Variants in CDYL observed in about 807,000 individuals in gnomAD.
CDYL encodes chromodomain Y-like protein.
A neutral mutation model predicts 47.3 loss-of-function variants in CDYL; 8 were observed. The ratio of observed to expected loss-of-function variants is 0.17; its 90% CI spans 0.10 to 0.31. The LOEUF is 0.31. CDYL is among the 10% of genes least tolerant of loss of function. CDYL has a pLI of 1.00. For synonymous variants in CDYL, 266 were observed against 265.0 expected (o/e 1.00, Z -0.04); for missense variants, 471 against 701.4 (o/e 0.67, Z 3.71).
chr6:4,797,867 T>C (rs1759119225), intron 1 of CDYL, among the ~76,000 whole-genome samples: 1 of 152,282 alleles, frequency 6.6e-6, no homozygotes, highest in Non-Finnish European at 1.5e-5. Context: ...ACTTTTTGTC[T>C]ATTATGAATA....
intron 3 of CDYL, among the ~76,000 whole-genome samples, chr6:4,935,994 C>T (rs1758180645): frequency 6.6e-6 from 1 of 152,206 alleles, no homozygotes. Flanking sequence ...TGCTGAGTGT[C>T]CATCCCCATT....
chr6:4,828,471 C>T (rs1449300848), intron 1 of CDYL, among the ~76,000 whole-genome samples: 1 of 152,074 alleles, frequency 6.6e-6, no homozygotes, highest in African/African-American at 2.4e-5. Flanking sequence ...TCCATGATTT[C>T]TGTTGAGAAA....
At chr6:4,876,771 A>G (rs143576086) in intron 1 of CDYL, among the ~76,000 whole-genome samples, 222 of 152,304 alleles carry the variant, frequency 1.5e-3, no homozygotes, top group Non-Finnish European at 2.1e-3. Context: ...TGAAATGAAT[A>G]TATTTTGCAT....
At chr6:4,822,568 A>G (rs917054659) in intron 1 of CDYL, among the ~76,000 whole-genome samples, 2 of 152,122 alleles carry the variant, frequency 1.3e-5, no homozygotes, top group African/African-American at 2.4e-5. Context: ...AATCCTGGCA[A>G]TGAGGGTGGC....
intron 3 of CDYL, among the ~76,000 whole-genome samples, chr6:4,756,488 T>C (rs1199913021): frequency 6.6e-6 from 1 of 152,102 alleles, no homozygotes; most frequent in African/African-American, 2.4e-5. Flanking sequence ...TCCTCTAAAG[T>C]TTACCTACTG....
intron 2 of CDYL, among the ~76,000 whole-genome samples, chr6:4,731,920 TA>T (rs749096863): frequency 6.6e-6 from 1 of 152,262 alleles, no homozygotes; most frequent in South Asian, 2.1e-4. Context: ...GGTAATGTTT[TA>T]TTTCTTTTCG....
intron 2 of CDYL, among the ~76,000 whole-genome samples, chr6:4,930,811 G>T (rs935111611): frequency 6.6e-6 from 1 of 152,224 alleles, no homozygotes; most frequent in African/African-American, 2.4e-5. Context: ...CTAGTCGAAT[G>T]TTATGTTAAT....
intron 2 of CDYL, 96 bp downstream of exon 2, chr6:4,892,475 C>T (rs1762078775): frequency 7.8e-7 from 1 of 1,281,184 alleles, no homozygotes; most frequent in African/African-American, 1.5e-5. Flanking sequence ...GAGTCCGGGG[C>T]TTCTCACGGC....
chr6:4,935,889 C>T, intron 3 of CDYL, 118 bp downstream of exon 3: 1 of 1,458,062 alleles, frequency 6.9e-7, no homozygotes. Flanking sequence ...GGGCCATCTC[C>T]CGATGCCCAC....
At position 4,794,108 on chromosome 6, in the gene CDYL, A is replaced by C. The variant is rs930530578; in HGVS notation, c.24+17301A>C. On this transcript the variant is annotated intron_variant, in intron 1 of 6. Transcript: ENST00000397588. ...GGTTCTTAGAGCCATGAGTGCATTTAATCATCCAGGAGGTAAGCATAAGTA... is the reference window on the plus strand; with the variant it reads ...GGTTCTTAGAGCCATGAGTGCATTTCATCATCCAGGAGGTAAGCATAAGTA... Among the ~76,000 whole-genome samples, 8 of 152,108 alleles carry C rather than the reference A, an allele frequency of 5.3e-5. No homozygotes were observed. The East Asian group carries it at 1.3e-3, about 26-fold the overall frequency.
chr6:4,906,597 C>T (rs1389757643), intron 2 of CDYL, among the ~76,000 whole-genome samples: 1 of 152,218 alleles, frequency 6.6e-6, no homozygotes, highest in East Asian at 1.9e-4. Flanking sequence ...ATTTGAACCA[C>T]TCTTTTATTA....
chr6:4,896,774 T>C (rs1288341159), intron 2 of CDYL, among the ~76,000 whole-genome samples: 1 of 152,210 alleles, frequency 6.6e-6, no homozygotes, highest in Non-Finnish European at 1.5e-5. Context: ...TAAAACTAAT[T>C]GAAGTAGATA....
intron 3 of CDYL, among the ~76,000 whole-genome samples, chr6:4,744,914 C>G (rs925372564): frequency 6.6e-6 from 1 of 152,068 alleles, no homozygotes; most frequent in East Asian, 1.9e-4. Flanking sequence ...TCATTCATCA[C>G]CTATGTAATC....
rs187387716 is a variant in CDYL, at chr6:4,829,013, T to G, written c.24+52206T>G. Among the ~76,000 whole-genome samples, 1,170 of 152,340 alleles carry G rather than the reference T, an allele frequency of 7.7e-3. 16 individuals are homozygous for G. The highest frequency in any genetic ancestry group is 0.027 in the African/African-American group (1,129 of 41,586). Reference sequence around the variant, plus strand: ...ATAAATTGTTCTGATTTCCTTCAGTTCTTCATATCTTTCTTTTGCTTTTTG... The same window carrying G: ...ATAAATTGTTCTGATTTCCTTCAGTGCTTCATATCTTTCTTTTGCTTTTTG... On this transcript the variant is annotated intron_variant, in intron 1 of 6. Transcript: ENST00000397588.
At chr6:4,912,211 T>G (rs867986492) in intron 2 of CDYL, among the ~76,000 whole-genome samples, 8 of 139,946 alleles carry the variant, frequency 5.7e-5, no homozygotes, top group Non-Finnish European at 1.2e-4. Flanking sequence ...ACGTGGTCCT[T>G]TCACCTGTTT....
rs528757587 is a variant in CDYL at position 4,835,701 on chromosome 6, C to G, written c.25-56012C>G. On this transcript the variant is annotated intron_variant, in intron 1 of 6. Coordinates refer to ENST00000397588, the MANE Select transcript of CDYL (RefSeq NM_004824.4). Reference sequence around the variant, plus strand: ...GGTGGAGCCTACAGAGGCAGGCAGGCAATCCTCCTTGAGCTGTGGTGGGCT... The same window carrying G: ...GGTGGAGCCTACAGAGGCAGGCAGGGAATCCTCCTTGAGCTGTGGTGGGCT... Among the ~76,000 whole-genome samples, 13 of 152,334 alleles carry G rather than the reference C, an allele frequency of 8.5e-5. No individual in the cohort carries two copies. In the South Asian group the frequency reaches 2.5e-3, roughly 29 times the overall value.
At chr6:4,707,578 T>TA (rs1377569336) in intron 1 of CDYL, among the ~76,000 whole-genome samples, 5 of 152,228 alleles carry the variant, frequency 3.3e-5, no homozygotes, top group Middle Eastern at 3.2e-3. Context: ...GGCTGTCTGT[T>TA]AAACTGTTTA....
At chr6:4,928,830 G>T (rs752317539) in intron 2 of CDYL, 1 of 151,744 alleles carries the variant, frequency 6.6e-6, no homozygotes, top group Admixed American at 6.6e-5. Context: ...CCAAAGAATA[G>T]CCATTTTTTT....
At chr6:4,803,844 C>T (rs1759293743) in intron 1 of CDYL, among the ~76,000 whole-genome samples, 1 of 150,270 alleles carries the variant, frequency 6.7e-6, no homozygotes, top group Admixed American at 6.7e-5. Flanking sequence ...TTTTATCCAA[C>T]TCTATGTGTG....
Sources: allele counts gnomAD v4.1 joint callset (sites outside exome capture counted in the v4.1 genomes callset), GRCh38; gene constraint gnomAD v4.1.1; transcripts MANE v1.5; gene names NCBI Gene and HGNC (gene_info 2026-07-23, HGNC 2026-07-21).